Variants in ERICH2 observed in about 807,000 individuals in gnomAD.
ERICH2 encodes glutamate rich 2.
In ERICH2, 17 loss-of-function variants were observed where a neutral mutation model predicts 17.4. That is an observed-to-expected ratio of 0.98 (90% CI 0.67 to 1.47). ERICH2 has a LOEUF of 1.47. Ranked by LOEUF, ERICH2 falls within the 40% of genes most tolerant of loss-of-function variation. The pLI, the probability that ERICH2 is intolerant of heterozygous loss-of-function variation, is 0.00. For missense variants in ERICH2, 186 were observed against 183.2 expected (o/e 1.01, Z -0.09); for synonymous variants, 51 against 61.1 (o/e 0.83, Z 0.77).
rs115938766 is a variant in ERICH2 at position 170,788,829 on chromosome 2, C to T, written c.216+3996C>T. 3.7e-3 allele frequency among the ~76,000 whole-genome samples: 556 copies of T among 152,184 alleles called. 2 individuals are homozygous for T. Among genetic ancestry groups the T allele is most frequent in the African/African-American group, 0.013 (520 of 41,512 alleles). ...AAAATGGAAAGAGTAGAACAATGAA[C>T]ACCTGAATACTCTTTACCTAGATTC... On this transcript the variant is annotated intron_variant, in intron 2 of 4. Coordinates refer to ENST00000409885, the Ensembl canonical transcript of ERICH2.
Position 170,797,356 on chromosome 2 carries a change from C to T in ERICH2, c.275-685C>T, listed in dbSNP as rs114216341. ...AAGGATTAACAGACCTCTAGGCACA[C>T]AGTCTTCTCATTAGCAAAGTCTCCA... On this transcript the variant is annotated intron_variant, in intron 3 of 4. Transcript: ENST00000409885. 1.5e-3 allele frequency among the ~76,000 whole-genome samples: 225 copies of T among 152,328 alleles called. 2 individuals are homozygous for T. Among genetic ancestry groups the T allele is most frequent in the African/African-American group, 5.3e-3 (219 of 41,574 alleles).
rs1701476191 is a variant in ERICH2 at position 170,798,209 on chromosome 2, A to C, written c.346+97A>C. The C allele has an allele frequency of 1.4e-5, 12 of 849,738 alleles. No homozygotes were observed. In the South Asian group the frequency reaches 1.7e-4, roughly 12 times the overall value. The allele number at this position is 849,738 out of a possible 1,614,324, so 52.6% of individuals were successfully genotyped here. ...GGGAGATTGTCGATACATCTTTAGGAAGTGGTTAAGAAAAGGCTAAATGGC... is the reference window on the plus strand; with the variant it reads ...GGGAGATTGTCGATACATCTTTAGGCAGTGGTTAAGAAAAGGCTAAATGGC... On this transcript the variant is annotated intron_variant, in intron 4 of 4. Coordinates refer to ENST00000409885, the Ensembl canonical transcript of ERICH2.
At chr2:170,789,089 T>C (rs762927135) in intron 2 of ERICH2, among the ~76,000 whole-genome samples, 1 of 151,668 alleles carries the variant, frequency 6.6e-6, no homozygotes, top group Non-Finnish European at 1.5e-5. Flanking sequence ...GCCTCCTGAG[T>C]AGCTGAGATT....
chr2:170,798,194 C>A, intron 4 of ERICH2, 82 bp downstream of exon 9: 1 of 929,230 alleles, frequency 1.1e-6, no homozygotes, highest in Non-Finnish European at 1.7e-6. Context: ...GGGAGATTGT[C>A]GATACATCTT....
At chr2:170,779,258 C>T (rs910590673), upstream of ERICH2, among the ~76,000 whole-genome samples, 1 of 152,170 alleles carries the variant, frequency 6.6e-6, no homozygotes, top group African/African-American at 2.4e-5. Context: ...CCATTCCGCT[C>T]TCCACCCTGC....
At chr2:170,783,943 G>T (rs897153230) in intron 1 of ERICH2, 1 of 1,546,312 alleles carries the variant, frequency 6.5e-7, no homozygotes, top group African/African-American at 1.4e-5. Flanking sequence ...TAGCATTTTG[G>T]GTTTAGAGTC....
At chr2:170,798,948 A>G in exon 5 of ERICH2, 1 of 1,527,334 alleles carries the variant, frequency 6.5e-7, no homozygotes, top group Non-Finnish European at 8.8e-7. Flanking sequence ...ATACCATGCA[A>G]ATATAAAGAC....
At chr2:170,775,322 C>G in the ERICH2 span, among the ~76,000 whole-genome samples, 1 of 151,840 alleles carries the variant, frequency 6.6e-6, no homozygotes, top group Non-Finnish European at 1.5e-5. Flanking sequence ...GTCTCAGATA[C>G]TCAGGAGGCT....
At chr2:170,774,616 A>T in the ERICH2 span, among the ~76,000 whole-genome samples, 1 of 139,476 alleles carries the variant, frequency 7.2e-6, no homozygotes. Flanking sequence ...CCCAGGCTGG[A>T]ATGCAGTGGC....
intron 3 of ERICH2, among the ~76,000 whole-genome samples, chr2:170,795,192 G>A (rs1207113990): frequency 6.6e-6 from 1 of 152,036 alleles, no homozygotes; most frequent in East Asian, 1.9e-4. Context: ...TCTCCAGGCT[G>A]GTCTTGAACT....
At chr2:170,787,537 G>A (rs1347085721) in intron 2 of ERICH2, among the ~76,000 whole-genome samples, 1 of 152,210 alleles carries the variant, frequency 6.6e-6, no homozygotes, top group African/African-American at 2.4e-5. Context: ...CTGATAGCCA[G>A]TGATTATTCC....
chr2:170,776,635 C>T, the ERICH2 span, among the ~76,000 whole-genome samples: 1 of 152,126 alleles, frequency 6.6e-6, no homozygotes, highest in Non-Finnish European at 1.5e-5. Flanking sequence ...GCCTTGGCTT[C>T]CCAAAGTGCT....
chr2:170,785,435 T>C (rs149557129), intron 2 of ERICH2, among the ~76,000 whole-genome samples: 98 of 152,186 alleles, frequency 6.4e-4, no homozygotes, highest in African/African-American at 2.1e-3. Flanking sequence ...GGTATAAAAC[T>C]CTTCAAGGAC....
At chr2:170,783,881 T>C (rs1252452574) in intron 1 of ERICH2, 1 of 1,550,416 alleles carries the variant, frequency 6.4e-7, no homozygotes, top group African/African-American at 1.4e-5. Context: ...ACAGATGGCC[T>C]GAATAACACA....
chr2:170,776,799 G>A, the ERICH2 span, among the ~76,000 whole-genome samples: 2 of 151,782 alleles, frequency 1.3e-5, no homozygotes, highest in African/African-American at 4.8e-5. Flanking sequence ...TTAGGTTTGG[G>A]GGTACGTGTG....
the ERICH2 span, among the ~76,000 whole-genome samples, chr2:170,773,733 CT>C: frequency 8.6e-5 from 13 of 150,850 alleles, no homozygotes; most frequent in Non-Finnish European, 1.8e-4. Flanking sequence ...TTATTATTGT[CT>C]TTTTTTTTAG....
the ERICH2 span, among the ~76,000 whole-genome samples, chr2:170,776,139 C>T: frequency 0.25 from 37,616 of 151,724 alleles, 5,069 homozygotes; most frequent in South Asian, 0.36. Flanking sequence ...AAAGGCTACA[C>T]TATACGAAAA....
Position 170,798,699 on chromosome 2 carries a change from G to A in ERICH2, c.347-71G>A, listed in dbSNP as rs1701489411. The A allele has an allele frequency of 8.8e-5, 135 of 1,526,278 alleles. 3 individuals are homozygous for A. The South Asian group carries it at 1.6e-3, about 18-fold the overall frequency. The allele number at this position is 1,526,278 out of a possible 1,614,324, so 94.5% of individuals were successfully genotyped here. Reference sequence around the variant, plus strand: ...TATGTATTTCTTGGTAGAGGGAGGGGCAAGGAGAATTATTTTTCAGAGTGA... The same window carrying A: ...TATGTATTTCTTGGTAGAGGGAGGGACAAGGAGAATTATTTTTCAGAGTGA... On this transcript the variant is annotated intron_variant, in intron 4 of 4. Transcript: ENST00000409885.
exon 1 of ERICH2, chr2:170,783,805 G>A: frequency 1.3e-6 from 2 of 1,550,388 alleles, no homozygotes; most frequent in Admixed American, 2.0e-5. Context: ...TACAGGCTAG[G>A]TGCACACTGG....
Sources: gnomAD v4.1 joint callset for allele counts (sites outside exome capture counted in the v4.1 genomes callset) on GRCh38, gnomAD v4.1.1 for gene constraint, MANE v1.5 for transcripts, NCBI Gene and HGNC (gene_info 2026-07-23, HGNC 2026-07-21) for gene names.